THSD4: variants seen among roughly 807,000 people sequenced by gnomAD.
The protein encoded by THSD4 is thrombospondin type-1 domain-containing protein 4.
Under a neutral mutation model 119.0 loss-of-function variants are expected in THSD4, and 69 were observed. The observed-to-expected ratio is 0.58, with a 90% CI of 0.48 to 0.71. The LOEUF is 0.71. THSD4 is among the 30% of genes least tolerant of loss of function. The probability of loss-of-function intolerance (pLI) is 0.00; values close to 1 mark genes in which losing one functional copy is unlikely to be tolerated. For synonymous variants in THSD4, 524 were observed against 540.4 expected (o/e 0.97, Z 0.42); for missense variants, 1,393 against 1,391.1 (o/e 1.00, Z -0.02).
chr15:71,727,780 G>A (rs1043981816), intron 8 of THSD4, among the ~76,000 whole-genome samples: 2 of 107,694 alleles, frequency 1.9e-5, no homozygotes, highest in South Asian at 3.6e-4. Flanking sequence ...AAAAAAAAAA[G>A]GGGAGGGCTG....
At chr15:71,384,455 C>G (rs1243284608) in intron 6 of THSD4, among the ~76,000 whole-genome samples, 2 of 152,088 alleles carry the variant, frequency 1.3e-5, no homozygotes, top group Non-Finnish European at 2.9e-5. Context: ...AAAGATGAAG[C>G]CTTCCTTTAT....
At chr15:71,292,734 TGGTGCGA>T (rs1158814303) in intron 6 of THSD4, among the ~76,000 whole-genome samples, 1 of 150,464 alleles carries the variant, frequency 6.6e-6, no homozygotes, top group African/African-American at 2.5e-5. Context: ...TGGAGCACAG[TGGTGCGA>T]TCTCAGCTCA....
intron 6 of THSD4, among the ~76,000 whole-genome samples, chr15:71,292,972 G>A (rs2044813143): frequency 6.6e-6 from 1 of 152,136 alleles, no homozygotes; most frequent in Non-Finnish European, 1.5e-5. Flanking sequence ...CACCGCACCT[G>A]GCCAAATATA....
intron 7 of THSD4, among the ~76,000 whole-genome samples, chr15:71,518,542 A>C (rs1171206777): frequency 6.6e-6 from 1 of 152,188 alleles, no homozygotes; most frequent in Non-Finnish European, 1.5e-5. Flanking sequence ...GGTTTATGTT[A>C]TCCTCTGGAT....
intron 6 of THSD4, among the ~76,000 whole-genome samples, chr15:71,332,892 A>ATTTTT: frequency 0.016 from 1,232 of 76,998 alleles, 137 homozygotes; most frequent in African/African-American, 0.042. Flanking sequence ...ATTTTTTTAC[A>ATTTTT]TTTTTTTTTT....
intron 7 of THSD4, among the ~76,000 whole-genome samples, chr15:71,495,461 C>T (rs961570344): frequency 6.6e-5 from 10 of 152,122 alleles, no homozygotes; most frequent in Admixed American, 3.9e-4. Flanking sequence ...TCACTTCACC[C>T]TGCCAATACC....
intron 8 of THSD4, 23 bp downstream of exon 8, chr15:71,660,757 G>C: frequency 1.9e-6 from 3 of 1,613,268 alleles, no homozygotes; most frequent in Non-Finnish European, 2.5e-6. Flanking sequence ...TTTTTCCAGA[G>C]AAAACCGTCT....
At chr15:71,642,550 C>T (rs957883930) in intron 7 of THSD4, among the ~76,000 whole-genome samples, 8 of 152,112 alleles carry the variant, frequency 5.3e-5, no homozygotes, top group African/African-American at 1.9e-4. Context: ...GGAACCAACC[C>T]AAATGTCCAA....
chr15:71,284,406 AC>A, intron 6 of THSD4, among the ~76,000 whole-genome samples: 1 of 152,294 alleles, frequency 6.6e-6, no homozygotes. Flanking sequence ...GGCATTCCAC[AC>A]AGGGAGATAT....
In THSD4 at chr15:71,526,991, A is replaced by G. The variant is rs139157337; in HGVS notation, c.1152+115168A>G. ...GAATCTTCCCCAAAATTCATGTTGA[A>G]ACTTAATCACCATTGCAGTCGTATT... On this transcript the variant is annotated intron_variant, in intron 7 of 17. Coordinates refer to ENST00000261862, the MANE Select transcript of THSD4 (RefSeq NM_024817.3). Among the ~76,000 whole-genome samples, 1,154 of 152,270 alleles carry G rather than the reference A, an allele frequency of 7.6e-3. 19 individuals carry two copies. Among genetic ancestry groups the G allele is most frequent in the African/African-American group, 0.026 (1,099 of 41,546 alleles).
intron 6 of THSD4, among the ~76,000 whole-genome samples, chr15:71,375,065 C>T (rs2046112825): frequency 6.6e-6 from 1 of 152,192 alleles, no homozygotes; most frequent in African/African-American, 2.4e-5. Flanking sequence ...CCCTTTTCCC[C>T]ATTTCCCCCA....
At position 71,421,158 on chromosome 15, in the gene THSD4, CAAAAAAAAAAA is replaced by C. The variant is rs769831708; in HGVS notation, c.1152+9355_1152+9365del. Among the ~76,000 whole-genome samples the C allele has an allele frequency of 3.7e-4, 7 of 18,788 alleles. 1 individual carries two copies. The highest frequency in any genetic ancestry group is 5.6e-4 in the Non-Finnish European group (6 of 10,766). 12.3% of individuals were successfully genotyped at this position (18,788 alleles called of 152,430 possible). ...TGGGTGATGGAGTGAGACTCCGTCT[CAAAAAAAAAAA>C]AAAAAAAAAAAAAAAAAAAGGAGTA... On this transcript the variant is annotated intron_variant, in intron 7 of 17. Transcript: ENST00000261862.
chr15:71,180,772 G>A (rs917225883), intron 3 of THSD4, among the ~76,000 whole-genome samples: 1 of 152,140 alleles, frequency 6.6e-6, no homozygotes, highest in Non-Finnish European at 1.5e-5. Flanking sequence ...CAGGGGGTGA[G>A]GGTGGCTATT....
At chr15:71,666,839 C>T (rs2141006757) in intron 8 of THSD4, among the ~76,000 whole-genome samples, 1 of 152,276 alleles carries the variant, frequency 6.6e-6, no homozygotes, top group Non-Finnish European at 1.5e-5. Context: ...TTAGTTTGAC[C>T]ATCAAGGCCT....
rs140963764 is a variant in THSD4 at position 71,743,642 on chromosome 15, G to A, written c.1907-1464G>A. 3.0e-4 allele frequency among the ~76,000 whole-genome samples: 46 copies of A among 152,266 alleles called. No homozygotes were observed. In the East Asian group the frequency reaches 8.5e-3, roughly 28 times the overall value. On this transcript the variant is annotated intron_variant, in intron 11 of 17. Coordinates refer to ENST00000261862, the MANE Select transcript of THSD4 (RefSeq NM_024817.3). The stretch of plus-strand genomic sequence containing the variant: ...GCCAATAATTGTGCTTAATTGGAAC[G>A]TTATTTTAAATAATGGTCTCAAGTT...
intron 1 of THSD4, among the ~76,000 whole-genome samples, chr15:71,138,861 G>GGT (rs749382796): frequency 5.5e-4 from 82 of 149,026 alleles, no homozygotes; most frequent in Non-Finnish European, 1.0e-3. Flanking sequence ...GTAATTTCTT[G>GGT]GTGTGTGTGT....
intron 8 of THSD4, among the ~76,000 whole-genome samples, chr15:71,664,391 T>C (rs1176987022): frequency 1.3e-5 from 2 of 152,196 alleles, no homozygotes; most frequent in African/African-American, 4.8e-5. Context: ...AAATATTTGG[T>C]ATTTTTTTAA....
chr15:71,271,563 G>A (rs1214052330), intron 6 of THSD4, among the ~76,000 whole-genome samples: 1 of 152,184 alleles, frequency 6.6e-6, no homozygotes, highest in Non-Finnish European at 1.5e-5. Flanking sequence ...ACACATGGGT[G>A]TATACAGTTA....
At chr15:71,194,718 CTA>C (rs1253336201) in intron 3 of THSD4, among the ~76,000 whole-genome samples, 3 of 152,208 alleles carry the variant, frequency 2.0e-5, no homozygotes, top group African/African-American at 7.2e-5. Flanking sequence ...GCCTCAAAAA[CTA>C]TGCATAACTC....
Sources: gnomAD v4.1 joint callset for allele counts (sites outside exome capture counted in the v4.1 genomes callset) on GRCh38, gnomAD v4.1.1 for gene constraint, MANE v1.5 for transcripts, NCBI Gene and HGNC (gene_info 2026-07-23, HGNC 2026-07-21) for gene names.